GMDS: variants seen among roughly 807,000 people sequenced by gnomAD.
GMDS encodes the protein GDP-mannose 4,6 dehydratase.
Under a neutral mutation model 49.9 loss-of-function variants are expected in GMDS, and 20 were observed. The ratio of observed to expected loss-of-function variants is 0.40; its 90% confidence interval spans 0.28 to 0.58. The LOEUF is 0.58. GMDS is among the 20% of genes least tolerant of loss of function. GMDS has a pLI of 0.42. For missense variants in GMDS, 362 were observed against 481.4 expected (o/e 0.75, Z 2.32); for synonymous variants, 177 against 178.6 (o/e 0.99, Z 0.07).
chr6:2,021,081 A>G (rs1768248596), intron 4 of GMDS, among the ~76,000 whole-genome samples: 1 of 152,222 alleles, frequency 6.6e-6, no homozygotes, highest in Non-Finnish European at 1.5e-5. Context: ...TCAGGTGCAG[A>G]GCAGGAACTC....
At chr6:1,634,713 C>T (rs1197177577) in intron 9 of GMDS, among the ~76,000 whole-genome samples, 2 of 152,116 alleles carry the variant, frequency 1.3e-5, no homozygotes. Context: ...AAGATGCCTG[C>T]AGATGCTGCC....
intron 7 of GMDS, among the ~76,000 whole-genome samples, chr6:1,750,520 G>C (rs991778672): frequency 6.6e-6 from 1 of 152,154 alleles, no homozygotes; most frequent in African/African-American, 2.4e-5. Flanking sequence ...AACCTTGAGG[G>C]ACTGTGCCAT....
intron 4 of GMDS, among the ~76,000 whole-genome samples, chr6:2,102,172 T>C (rs1161668287): frequency 1.3e-5 from 2 of 152,098 alleles, no homozygotes; most frequent in African/African-American, 4.8e-5. Flanking sequence ...CAATAAAACA[T>C]TGAAGTCCCC....
chr6:1,868,537 C>T (rs1399904056), intron 7 of GMDS, among the ~76,000 whole-genome samples: 1 of 152,190 alleles, frequency 6.6e-6, no homozygotes, highest in Admixed American at 6.5e-5. Context: ...GAGCCATATT[C>T]TGCAGAGCAC....
rs1761515088 is a variant in GMDS, at chr6:1,918,314, ATCATCAAGTAC to A, written c.771+11778_771+11788del. On this transcript the variant is annotated intron_variant, in intron 7 of 10. Coordinates refer to ENST00000380815, the MANE Select transcript of GMDS (RefSeq NM_001500.4). The stretch of plus-strand genomic sequence containing the variant: ...GGTTTCTGAATGAGCTGATGTCAAT[ATCATCAAGTAC>A]TCCCATGGGTACTTGGTCTTATAAG... Among the ~76,000 whole-genome samples the A allele has an allele frequency of 5.9e-5, 9 of 152,352 alleles. No homozygotes were observed. In the South Asian group the frequency reaches 1.9e-3, roughly 32 times the overall value.
At chr6:1,935,488 A>G (rs895596724) in intron 6 of GMDS, among the ~76,000 whole-genome samples, 2 of 152,206 alleles carry the variant, frequency 1.3e-5, no homozygotes, top group African/African-American at 4.8e-5. Context: ...ATCTACAATT[A>G]AGTCTCAATG....
intron 4 of GMDS, among the ~76,000 whole-genome samples, chr6:1,963,386 A>G (rs1476230841): frequency 1.3e-5 from 2 of 152,184 alleles, no homozygotes; most frequent in Non-Finnish European, 2.9e-5. Flanking sequence ...TGTCTTATGA[A>G]GCACAGAAGT....
intron 9 of GMDS, among the ~76,000 whole-genome samples, chr6:1,645,901 T>A (rs946852893): frequency 6.6e-6 from 1 of 152,198 alleles, no homozygotes; most frequent in Non-Finnish European, 1.5e-5. Flanking sequence ...ATTTTGCCAA[T>A]CCACCCACTA....
intron 1 of GMDS, among the ~76,000 whole-genome samples, chr6:2,213,957 C>A (rs1367931036): frequency 2.0e-5 from 3 of 152,164 alleles, no homozygotes; most frequent in South Asian, 4.1e-4. Context: ...TTAAAATAAA[C>A]CTGCCTTTGG....
intron 9 of GMDS, among the ~76,000 whole-genome samples, chr6:1,689,162 G>A (rs1765084780): frequency 6.6e-6 from 1 of 152,148 alleles, no homozygotes; most frequent in Non-Finnish European, 1.5e-5. Flanking sequence ...TTTAACCATG[G>A]TAGAGTTGCA....
At chr6:1,897,087 T>C (rs116449670) in intron 7 of GMDS, among the ~76,000 whole-genome samples, 2,967 of 152,280 alleles carry the variant, frequency 0.019, 100 homozygotes, top group African/African-American at 0.068. Flanking sequence ...AGGCGAAGGC[T>C]GCTTAGCTGG....
intron 7 of GMDS, among the ~76,000 whole-genome samples, chr6:1,904,727 C>T (rs1053065510): frequency 1.3e-5 from 2 of 152,168 alleles, no homozygotes; most frequent in African/African-American, 2.4e-5. Flanking sequence ...CACTTAATAC[C>T]TCACTGCAGG....
At chr6:2,048,783 T>A (rs966520548) in intron 4 of GMDS, among the ~76,000 whole-genome samples, 3 of 152,228 alleles carry the variant, frequency 2.0e-5, no homozygotes, top group African/African-American at 7.2e-5. Context: ...AAACAGCATA[T>A]TTTCAAATTT....
chr6:1,999,296 T>TG (rs1221418662), intron 4 of GMDS, among the ~76,000 whole-genome samples: 23 of 133,696 alleles, frequency 1.7e-4, no homozygotes, highest in Non-Finnish European at 3.2e-4. Context: ...TACTACAGCC[T>TG]GGTGACAGAG....
At chr6:1,832,920 A>G (rs937468052) in intron 7 of GMDS, among the ~76,000 whole-genome samples, 1 of 152,150 alleles carries the variant, frequency 6.6e-6, no homozygotes, top group Non-Finnish European at 1.5e-5. Context: ...CTCTGTGGCC[A>G]CTTTCCAGAT....
intron 1 of GMDS, among the ~76,000 whole-genome samples, chr6:2,218,326 G>GA (rs1197446322): frequency 1.3e-5 from 2 of 152,142 alleles, no homozygotes; most frequent in African/African-American, 4.8e-5. Context: ...GCAGTAAACA[G>GA]CAAAAAGGAA....
intron 7 of GMDS, among the ~76,000 whole-genome samples, chr6:1,873,330 C>T (rs1045692254): frequency 2.0e-5 from 3 of 152,190 alleles, no homozygotes; most frequent in African/African-American, 4.8e-5. Context: ...AAAATTTTCA[C>T]TTGGGCTGGA....
At chr6:2,239,820 G>A (rs1420647115) in intron 1 of GMDS, among the ~76,000 whole-genome samples, 2 of 152,010 alleles carry the variant, frequency 1.3e-5, no homozygotes, top group Non-Finnish European at 2.9e-5. Context: ...CAAGCAGCTG[G>A]GACTACAGGC....
At chr6:1,979,229 A>G (rs1765086447) in intron 4 of GMDS, among the ~76,000 whole-genome samples, 1 of 152,204 alleles carries the variant, frequency 6.6e-6, no homozygotes, top group South Asian at 2.1e-4. Context: ...AGACTTCAGA[A>G]TGTGGGTAAT....
Sources: allele counts gnomAD v4.1 joint callset (sites outside exome capture counted in the v4.1 genomes callset), GRCh38; gene constraint gnomAD v4.1.1; transcripts MANE v1.5; gene names NCBI Gene and HGNC (gene_info 2026-07-23, HGNC 2026-07-21).